Variants in ALDH7A1 observed in about 807,000 individuals in gnomAD.
The protein encoded by ALDH7A1 is alpha-aminoadipic semialdehyde dehydrogenase.
Under a neutral mutation model 79.9 loss-of-function variants are expected in ALDH7A1, and 63 were observed. That is an observed-to-expected ratio of 0.79 (90% CI 0.64 to 0.97). ALDH7A1 has a LOEUF of 0.97. Among genes scored for constraint, ALDH7A1 ranks in the 50% least tolerant of loss-of-function variants. The pLI is 0.00. For synonymous variants in ALDH7A1, 240 were observed against 231.2 expected (o/e 1.04, Z -0.34); for missense variants, 627 against 665.2 (o/e 0.94, Z 0.63).
Position 126,580,304 on chromosome 5 carries a change from T to G in ALDH7A1, c.517+2547A>C, listed in dbSNP as rs189411005. 5.9e-5 allele frequency among the ~76,000 whole-genome samples: 9 copies of G among 152,038 alleles called. No individual in the cohort carries two copies. The East Asian group carries it at 1.8e-3, about 30-fold the overall frequency. Reference sequence around the variant, plus strand: ...TAGAGATGGGGTTTTTCCATGTTGGTCAGGCTGGTCTTAAACTCCCGACCT... The same window carrying G: ...TAGAGATGGGGTTTTTCCATGTTGGGCAGGCTGGTCTTAAACTCCCGACCT... On this transcript the variant is annotated intron_variant, in intron 5 of 17. Transcript: ENST00000409134.
chr5:126,554,264 A>G (rs771817271), intron 13 of ALDH7A1, 23 bp downstream of exon 13: 5 of 1,605,076 alleles, frequency 3.1e-6, no homozygotes, highest in Admixed American at 1.7e-5. Context: ...AGCTGTCACA[A>G]TTGATCTCAG....
rs1749614586 is a variant in ALDH7A1 at position 126,542,065 on chromosome 5, A to G, written c.*2900T>C. 1 of 149,824 alleles carries G rather than the reference A, an allele frequency of 6.7e-6. No individual in the cohort carries two copies. Among genetic ancestry groups the G allele is most frequent in the Non-Finnish European group, 1.5e-5 (1 of 67,588 alleles). 9.3% of individuals were successfully genotyped at this position (149,824 alleles called of 1,614,324 possible). A position where few individuals can be genotyped will look rare whatever the true frequency, so the allele number is the denominator to read the frequency against. On this transcript the variant is annotated 3_prime_UTR_variant, in exon 18 of 18. Transcript: ENST00000409134. ...GATAAAGTTCTTCCCCTTGGATAGG[A>G]GAGGTTTCGTTTGGTTTTCTTTTAA...
chr5:126,577,223 A>C lies in ALDH7A1; in HGVS notation c.518-12T>G, dbSNP rs79544459. 34,049 of 1,614,016 alleles carry C rather than the reference A, an allele frequency of 0.021. 507 individuals are homozygous for C. Among genetic ancestry groups the C allele is most frequent in the African/African-American group, 0.073 (5,498 of 75,010 alleles). ...TGCATGGCCAGATCCTGAGGACAGA[A>C]AAAGGATGGAACATGCAGAAGCATG... On this transcript the variant is annotated splice_polypyrimidine_tract_variant and intron_variant, in intron 5 of 17. Transcript: ENST00000409134.
At chr5:126,583,906 G>A (rs750806054) in intron 4 of ALDH7A1, 26 bp downstream of exon 4, 1 of 1,564,836 alleles carries the variant, frequency 6.4e-7, no homozygotes, top group Non-Finnish European at 8.8e-7. Context: ...TCAAAGAATT[G>A]TGTATATACT....
chr5:126,576,253 ACT>A (rs1396209619), intron 6 of ALDH7A1, among the ~76,000 whole-genome samples: 8 of 126,570 alleles, frequency 6.3e-5, no homozygotes, highest in African/African-American at 1.8e-4. Context: ...ACAGAGCAAG[ACT>A]CTGTCACAAA....
rs747834606 is a variant in ALDH7A1 at position 126,556,014 on chromosome 5, A to C, written c.1010T>G (p.Phe337Cys). 34 of 1,610,334 alleles carry C rather than the reference A, an allele frequency of 2.1e-5. 1 individual carries two copies. The Admixed American group carries it at 5.7e-4, about 27-fold the overall frequency. Residue 337 changes from phenylalanine to cysteine, a missense_variant and splice_region_variant, in exon 12 of 18, where the codon TTT (phenylalanine) becomes TGT (cysteine). Phe to Cys is a radical substitution (Grantham distance 205). Transcript: ENST00000409134. ...CTCATCATGGATGCTTTCATGTATA[A>C]ACTAAACGAAAAAAGATATTCAAGG... The part of the protein sequence containing the change: ...GQRCTTARRL[F>C]IHESIHDEVV...
At chr5:126,563,105 TA>T (rs1380256200) in intron 9 of ALDH7A1, among the ~76,000 whole-genome samples, 2 of 152,222 alleles carry the variant, frequency 1.3e-5, no homozygotes, top group Non-Finnish European at 2.9e-5. Context: ...TGTACCATCT[TA>T]ACCATTTTTA....
chr5:126,563,912 C>T (rs1005077622), intron 9 of ALDH7A1, among the ~76,000 whole-genome samples: 6 of 152,064 alleles, frequency 3.9e-5, no homozygotes, highest in African/African-American at 1.4e-4. Flanking sequence ...CTCAGCCTCC[C>T]AAGTAGCTCA....
Position 126,543,482 on chromosome 5 carries a change from T to C in ALDH7A1, c.*1483A>G, listed in dbSNP as rs1035868997. On this transcript the variant is annotated 3_prime_UTR_variant, in exon 18 of 18. Transcript: ENST00000409134. Reference sequence around the variant, plus strand: ...ATTGACAACAGCATGTCTAGTTAAATACTGCTCGCAGCTGGCCATGGGACA... The same window carrying C: ...ATTGACAACAGCATGTCTAGTTAAACACTGCTCGCAGCTGGCCATGGGACA... The C allele has an allele frequency of 1.5e-4, 23 of 152,226 alleles. No individual in the cohort carries two copies. The highest frequency in any genetic ancestry group is 1.2e-3 in the Admixed American group (19 of 15,288). The allele number at this position is 152,226 out of a possible 1,614,324, so 9.4% of individuals were successfully genotyped here.
intron 5 of ALDH7A1, among the ~76,000 whole-genome samples, chr5:126,579,561 C>T (rs1381022342): frequency 1.3e-5 from 2 of 152,090 alleles, no homozygotes; most frequent in Non-Finnish European, 2.9e-5. Flanking sequence ...ACCTAGTAGA[C>T]TACCCGGCAC....
intron 9 of ALDH7A1, 55 bp downstream of exon 9, chr5:126,568,204 A>T: frequency 6.4e-7 from 1 of 1,551,542 alleles, no homozygotes; most frequent in Non-Finnish European, 8.9e-7. Context: ...CAACTTTTAG[A>T]TTTCACCTCC....
chr5:126,593,546 C>A, intron 1 of ALDH7A1, 142 bp from the exon 2 acceptor site: 3 of 1,155,540 alleles, frequency 2.6e-6, no homozygotes, highest in Non-Finnish European at 3.8e-6. Flanking sequence ...ACTTCTGTTA[C>A]ATATAAACCA....
At chr5:126,572,552 A>G (rs1750811217) in intron 7 of ALDH7A1, among the ~76,000 whole-genome samples, 1 of 152,196 alleles carries the variant, frequency 6.6e-6, no homozygotes, top group African/African-American at 2.4e-5. Context: ...TTCTTAGACA[A>G]CCCGGCTTAT....
At chr5:126,582,767 C>T (rs1411064853) in intron 5 of ALDH7A1, 84 bp downstream of exon 5, 22 of 1,517,206 alleles carry the variant, frequency 1.5e-5, no homozygotes, top group East Asian at 6.8e-5. Flanking sequence ...CTCTTTTGCA[C>T]AGTCAATAGC....
In ALDH7A1 at chr5:126,560,890, T is replaced by A. The variant is rs191800896; in HGVS notation, c.913+193A>T. On this transcript the variant is annotated intron_variant, in intron 10 of 17. Coordinates refer to ENST00000409134, the MANE Select transcript of ALDH7A1 (RefSeq NM_001182.5). ...GTAACATGTTCTAAACATGAATACC[T>A]TTCCTTCCTAGTTACCTCTGCCTTC... Among the ~76,000 whole-genome samples the A allele has an allele frequency of 1.6e-3, 241 of 152,324 alleles. 1 individual carries two copies. The highest frequency in any genetic ancestry group is 5.4e-3 in the African/African-American group (226 of 41,578).
intron 7 of ALDH7A1, among the ~76,000 whole-genome samples, chr5:126,574,023 C>CAAAAA (rs34601459): frequency 1.4e-3 from 80 of 57,148 alleles, no homozygotes; most frequent in African/African-American, 2.9e-3. Flanking sequence ...AAGACTGTCT[C>CAAAAA]AAAAAAAAAA....
intron 9 of ALDH7A1, chr5:126,564,595 G>A: frequency 8.0e-7 from 1 of 1,245,834 alleles, no homozygotes; most frequent in Non-Finnish European, 1.0e-6. Context: ...CCATTGCTCT[G>A]AAACAGGTAA....
At chr5:126,548,652 C>T (rs1207333063) in intron 16 of ALDH7A1, among the ~76,000 whole-genome samples, 1 of 152,064 alleles carries the variant, frequency 6.6e-6, no homozygotes, top group Non-Finnish European at 1.5e-5. Context: ...GTCTTGAACT[C>T]CTGAGCTCAA....
At chr5:126,564,509 A>T (rs1750505035) in intron 9 of ALDH7A1, 1 of 1,244,620 alleles carries the variant, frequency 8.0e-7, no homozygotes, top group Admixed American at 4.2e-5. Flanking sequence ...CTTTAAAATC[A>T]GCTTCCATGT....
Sources: gnomAD v4.1 joint callset for allele counts (sites outside exome capture counted in the v4.1 genomes callset) on GRCh38, gnomAD v4.1.1 for gene constraint, MANE v1.5 for transcripts, NCBI Gene and HGNC (gene_info 2026-07-23, HGNC 2026-07-21) for gene names.